Variants in ST3GAL3 observed in about 807,000 individuals in gnomAD.
ST3GAL3 encodes ST3 beta-galactoside alpha-2,3-sialyltransferase 3, also known as CMP-N-acetylneuraminate-beta-1,4-galactoside alpha-2,3-sialyltransferase.
In ST3GAL3, 21 loss-of-function variants were observed where a neutral mutation model predicts 50.1. The observed-to-expected ratio is 0.42, with a 90% confidence interval of 0.30 to 0.60. The LOEUF is 0.60. ST3GAL3 is among the 20% of genes least tolerant of loss of function. The pLI, the probability that ST3GAL3 is intolerant of heterozygous loss-of-function variation, is 0.19. For synonymous variants in ST3GAL3, 183 were observed against 190.0 expected, an observed-to-expected ratio of 0.96 and a Z score of 0.30; for missense variants, 353 against 489.4, an observed-to-expected ratio of 0.72 and a Z score of 2.63.
intron 5 of ST3GAL3, among the ~76,000 whole-genome samples, chr1:43,867,954 G>A (rs1051157667): frequency 8.5e-5 from 13 of 152,134 alleles, no homozygotes; most frequent in Non-Finnish European, 1.8e-4. Flanking sequence ...AGGCTATATA[G>A]GCAACATACA....
chr1:43,849,190 A>G (rs1249187650), intron 5 of ST3GAL3, among the ~76,000 whole-genome samples: 1 of 147,662 alleles, frequency 6.8e-6, no homozygotes, highest in Non-Finnish European at 1.5e-5. Flanking sequence ...TTATTAATTC[A>G]TCTATTTTTG....
chr1:43,887,291 G>A (rs1167427493), intron 5 of ST3GAL3, among the ~76,000 whole-genome samples: 1 of 152,144 alleles, frequency 6.6e-6, no homozygotes, highest in African/African-American at 2.4e-5. Flanking sequence ...TAAATCTCTG[G>A]TTGGATTTTG....
At chr1:43,826,355 C>G (rs1248087478) in intron 4 of ST3GAL3, among the ~76,000 whole-genome samples, 1 of 152,182 alleles carries the variant, frequency 6.6e-6, no homozygotes, top group Non-Finnish European at 1.5e-5. Context: ...TTGAAAGACA[C>G]AAACCACCCA....
intron 5 of ST3GAL3, chr1:43,839,002 A>T (rs894636758): frequency 4.5e-5 from 7 of 156,678 alleles, no homozygotes; most frequent in Non-Finnish European, 9.9e-5. Flanking sequence ...GAGGGGCTGA[A>T]GGAAAGGCTG....
chr1:43,872,316 GA>G (rs1326219326), intron 5 of ST3GAL3, among the ~76,000 whole-genome samples: 2 of 136,096 alleles, frequency 1.5e-5, no homozygotes, highest in Non-Finnish European at 3.2e-5. Flanking sequence ...GGAGAGGTGA[GA>G]GGGGGAGTGT....
intron 9 of ST3GAL3, chr1:43,913,766 G>A (rs942772982): frequency 6.6e-6 from 1 of 152,190 alleles, no homozygotes; most frequent in Non-Finnish European, 1.5e-5. Context: ...AGGGCTCCCT[G>A]GGATCGTGAC....
At chr1:43,767,631 G>C (rs1380713892) in intron 2 of ST3GAL3, among the ~76,000 whole-genome samples, 1 of 140,348 alleles carries the variant, frequency 7.1e-6, no homozygotes, top group East Asian at 2.2e-4. Context: ...ATCATGGGAA[G>C]TAGAAAATAT....
At chr1:43,791,999 C>A (rs2058138730) in intron 2 of ST3GAL3, 103 bp from the exon 3 acceptor site, 4 of 1,384,740 alleles carry the variant, frequency 2.9e-6, no homozygotes, top group South Asian at 1.2e-5. Context: ...GAGTTCCCTT[C>A]CAGTTGACTC....
intron 3 of ST3GAL3, among the ~76,000 whole-genome samples, chr1:43,803,257 T>C (rs908529270): frequency 6.6e-6 from 1 of 151,956 alleles, no homozygotes; most frequent in African/African-American, 2.4e-5. Context: ...CTACATGTCT[T>C]GTAGGCCGGG....
intron 2 of ST3GAL3, among the ~76,000 whole-genome samples, chr1:43,750,162 A>T: frequency 6.6e-6 from 1 of 152,202 alleles, no homozygotes; most frequent in East Asian, 1.9e-4. Context: ...CTTCACACCC[A>T]TTAGAATTGC....
At chr1:43,819,525 G>C (rs2061822065) in intron 4 of ST3GAL3, among the ~76,000 whole-genome samples, 1 of 152,184 alleles carries the variant, frequency 6.6e-6, no homozygotes, top group Non-Finnish European at 1.5e-5. Context: ...TGGCCCACAA[G>C]TGTAGTTGAC....
At chr1:43,859,002 C>T (rs899380527) in intron 5 of ST3GAL3, among the ~76,000 whole-genome samples, 5 of 152,184 alleles carry the variant, frequency 3.3e-5, no homozygotes, top group Non-Finnish European at 5.9e-5. Flanking sequence ...CTCAGGGAGC[C>T]TGAGTTCAGT....
intron 1 of ST3GAL3, among the ~76,000 whole-genome samples, chr1:43,729,528 T>C (rs1674664458): frequency 1.3e-5 from 2 of 152,224 alleles, no homozygotes; most frequent in Admixed American, 1.3e-4. Context: ...CATTTACTTA[T>C]CTGGTCAATC....
At chr1:43,924,273 C>G (rs1046327094) in intron 11 of ST3GAL3, among the ~76,000 whole-genome samples, 3 of 152,172 alleles carry the variant, frequency 2.0e-5, no homozygotes, top group Non-Finnish European at 4.4e-5. Flanking sequence ...GTCTTCCATC[C>G]CTGCCATGCT....
At chr1:43,830,237 C>T (rs2063368958) in intron 4 of ST3GAL3, among the ~76,000 whole-genome samples, 1 of 151,850 alleles carries the variant, frequency 6.6e-6, no homozygotes, top group African/African-American at 2.4e-5. Context: ...TAAGGTCTCC[C>T]TATGTTGCCT....
At chr1:43,716,661 C>T (rs1020807343) in intron 1 of ST3GAL3, 1 of 151,818 alleles carries the variant, frequency 6.6e-6, no homozygotes, top group African/African-American at 2.4e-5. Flanking sequence ...CGGTACCACA[C>T]ACTCTACACT....
intron 5 of ST3GAL3, among the ~76,000 whole-genome samples, chr1:43,882,472 A>G (rs1282669130): frequency 6.6e-6 from 1 of 152,174 alleles, no homozygotes; most frequent in Non-Finnish European, 1.5e-5. Context: ...AATTCAAGCA[A>G]AAAGGAAATT....
chr1:43,851,110 G>A, intron 5 of ST3GAL3: 4 of 1,006,180 alleles, frequency 4.0e-6, no homozygotes, highest in Non-Finnish European at 6.4e-6. Flanking sequence ...GCGGGGCATA[G>A]TCCAGGTTTT....
chr1:43,838,310 C>T lies in ST3GAL3; in HGVS notation c.301C>T (p.Arg101Trp), dbSNP rs761476996. 5.0e-6 allele frequency: 8 copies of T among 1,613,192 alleles called. No homozygotes were observed. Among genetic ancestry groups the T allele is most frequent in the South Asian group, 2.2e-5 (2 of 91,060 alleles). Residue 101 changes from arginine (R) to tryptophan (W), a missense_variant and splice_region_variant, in exon 5 of 12, where the codon CGG becomes TGG. Coordinates refer to ENST00000347631, the MANE Select transcript of ST3GAL3 (RefSeq NM_006279.5). ...ASALMTAIFPRFSKPAPMFLD... is the reference protein window; with the variant it reads ...ASALMTAIFPWFSKPAPMFLD... The stretch of plus-strand genomic sequence containing the variant: ...AGCCTTGATGACGGCCATCTTCCCC[C>T]GGTAAGTGCTCCTGTTTCCCTCCAC...
Sources: gnomAD v4.1 joint callset for allele counts (sites outside exome capture counted in the v4.1 genomes callset) on GRCh38, gnomAD v4.1.1 for gene constraint, MANE v1.5 for transcripts, NCBI Gene and HGNC (gene_info 2026-07-23, HGNC 2026-07-21) for gene names.